The following CACNA2D1 variants were observed in gnomAD, a reference collection of about 807,000 sequenced individuals.
CACNA2D1 encodes voltage-dependent calcium channel subunit alpha-2/delta-1.
A neutral mutation model predicts 171.5 loss-of-function variants in CACNA2D1; 53 were observed. That is an observed-to-expected ratio of 0.31 (90% CI 0.25 to 0.39). CACNA2D1 has a LOEUF of 0.39. Ranked by LOEUF, CACNA2D1 falls within the 10% of genes least tolerant of loss-of-function variation. The pLI, the probability that CACNA2D1 is intolerant of heterozygous loss-of-function variation, is 1.00. For synonymous variants in CACNA2D1, 442 were observed against 443.1 expected, an observed-to-expected ratio of 1.00 and a Z score of 0.03; for missense variants, 903 against 1,299.8, an observed-to-expected ratio of 0.69 and a Z score of 4.69.
intron 3 of CACNA2D1, among the ~76,000 whole-genome samples, chr7:82,322,451 C>CACA: frequency 9.6e-6 from 1 of 103,926 alleles, no homozygotes; most frequent in Admixed American, 1.1e-4. Context: ...CCTGGCTTTA[C>CACA]AAAAAAAAAA....
Position 82,012,253 on chromosome 7 carries a change from G to GA in CACNA2D1, c.1273-11_1273-10insT, listed in dbSNP as rs765988759. 9 of 1,297,762 alleles carry GA rather than the reference G, an allele frequency of 6.9e-6. No homozygotes were observed. Among genetic ancestry groups the GA allele is most frequent in the Non-Finnish European group, 9.5e-6 (9 of 950,900 alleles). The allele number at this position is 1,297,762 out of a possible 1,614,324, so 80.4% of individuals were successfully genotyped here. A position where few individuals can be genotyped will look rare whatever the true frequency, so the allele number is the denominator to read the frequency against. On this transcript the variant is annotated splice_polypyrimidine_tract_variant and intron_variant, in intron 14 of 38. Coordinates refer to ENST00000356860, the MANE Select transcript of CACNA2D1 (RefSeq NM_000722.4). ...AAACATCCAAATATTCCTGTTTATGGGAAAAAAAAAAAAAGTCGTGGTTAA... is the reference window on the plus strand; with the variant it reads ...AAACATCCAAATATTCCTGTTTATGGAGAAAAAAAAAAAAAGTCGTGGTTAA...
chr7:82,341,274 T>A (rs79741398), intron 2 of CACNA2D1, among the ~76,000 whole-genome samples: 5,725 of 152,210 alleles, frequency 0.038, 214 homozygotes, highest in Admixed American at 0.11. Context: ...CTCTTTTTTC[T>A]TTATCATAAG....
At chr7:82,194,986 C>A (rs530964489) in intron 3 of CACNA2D1, among the ~76,000 whole-genome samples, 205 of 152,100 alleles carry the variant, frequency 1.3e-3, no homozygotes, top group Middle Eastern at 3.4e-3. Flanking sequence ...CTTTAAGTTG[C>A]ACTCTTTTAT....
At chr7:82,019,771 C>A (rs983284258) in intron 12 of CACNA2D1, among the ~76,000 whole-genome samples, 1 of 152,078 alleles carries the variant, frequency 6.6e-6, no homozygotes, top group Non-Finnish European at 1.5e-5. Flanking sequence ...CTTTAATTTA[C>A]AATAGGCAAA....
chr7:82,375,152 CACA>C (rs1331633637), intron 1 of CACNA2D1, among the ~76,000 whole-genome samples: 2 of 152,100 alleles, frequency 1.3e-5, no homozygotes, highest in African/African-American at 4.8e-5. Context: ...AATACAGAAA[CACA>C]ACTTTCAAAC....
At chr7:82,216,223 T>A (rs1801084860) in intron 3 of CACNA2D1, among the ~76,000 whole-genome samples, 1 of 152,170 alleles carries the variant, frequency 6.6e-6, no homozygotes, top group Non-Finnish European at 1.5e-5. Flanking sequence ...CAGTTCAGCA[T>A]CAATTTGAGA....
intron 24 of CACNA2D1, among the ~76,000 whole-genome samples, chr7:81,976,914 T>A (rs2130547103): frequency 6.6e-6 from 1 of 152,292 alleles, no homozygotes; most frequent in Admixed American, 6.5e-5. Context: ...ATCCTGAGAC[T>A]TTGCTGAAGT....
At chr7:82,192,465 TGTGTGTGTGTG>T (rs1563182489) in intron 3 of CACNA2D1, among the ~76,000 whole-genome samples, 5 of 1,678 alleles carry the variant, frequency 3.0e-3, no homozygotes, top group Admixed American at 7.2e-3. Context: ...TGTGTTTGTG[TGTGTGTGTGTG>T]TGTGTGTGTG....
intron 10 of CACNA2D1, among the ~76,000 whole-genome samples, chr7:82,047,471 A>T (rs1433012712): frequency 6.6e-6 from 1 of 152,192 alleles, no homozygotes; most frequent in Non-Finnish European, 1.5e-5. Context: ...AATGGCATAC[A>T]TAACTAATGT....
chr7:82,417,525 G>A (rs1425800521), intron 1 of CACNA2D1, among the ~76,000 whole-genome samples: 1 of 152,200 alleles, frequency 6.6e-6, no homozygotes, highest in African/African-American at 2.4e-5. Context: ...TCAGGATTAT[G>A]AGAATCAGCC....
In CACNA2D1 at chr7:82,339,610, T is replaced by C. The variant is rs1322805563; in HGVS notation, c.178-4359A>G. Among the ~76,000 whole-genome samples the C allele has an allele frequency of 2.0e-5, 3 of 152,190 alleles. No homozygotes were observed. In the East Asian group the frequency reaches 5.8e-4, roughly 29 times the overall value. ...TGTAACGAGCCAAATATAAAAGACC[T>C]GTATAAATAAAGATAACGCACTGAG... On this transcript the variant is annotated intron_variant, in intron 2 of 38. Transcript: ENST00000356860.
intron 2 of CACNA2D1, among the ~76,000 whole-genome samples, chr7:82,341,457 G>A (rs1818623284): frequency 6.6e-6 from 1 of 151,970 alleles, no homozygotes; most frequent in African/African-American, 2.4e-5. Context: ...AAAATTAGCT[G>A]TTTTAACAAA....
intron 3 of CACNA2D1, among the ~76,000 whole-genome samples, chr7:82,321,332 G>C (rs1371124486): frequency 1.3e-5 from 2 of 152,134 alleles, no homozygotes; most frequent in East Asian, 3.9e-4. Context: ...CTGGGAGGTG[G>C]AGGTTGCAGT....
intron 6 of CACNA2D1, among the ~76,000 whole-genome samples, chr7:82,102,241 C>A (rs1812762563): frequency 6.6e-6 from 1 of 151,758 alleles, no homozygotes; most frequent in South Asian, 2.1e-4. Flanking sequence ...AAAAAATAAG[C>A]TTTAAAATTT....
At chr7:82,243,280 G>T (rs995090711) in intron 3 of CACNA2D1, among the ~76,000 whole-genome samples, 1 of 152,016 alleles carries the variant, frequency 6.6e-6, no homozygotes, top group African/African-American at 2.4e-5. Flanking sequence ...GCACCATTAA[G>T]AAACAATTTT....
chr7:82,012,504 GT>G (rs1799921958), intron 14 of CACNA2D1, among the ~76,000 whole-genome samples: 1 of 152,004 alleles, frequency 6.6e-6, no homozygotes, highest in African/African-American at 2.4e-5. Context: ...TCAGAGCATT[GT>G]TTTTCTGTGT....
At chr7:82,081,538 C>T (rs922182437) in intron 7 of CACNA2D1, among the ~76,000 whole-genome samples, 3 of 152,146 alleles carry the variant, frequency 2.0e-5, no homozygotes, top group Non-Finnish European at 2.9e-5. Flanking sequence ...AATGACCTTC[C>T]TGTAACAGGT....
chr7:82,268,547 T>C (rs1202926460), intron 3 of CACNA2D1, among the ~76,000 whole-genome samples: 1 of 152,126 alleles, frequency 6.6e-6, no homozygotes, highest in Non-Finnish European at 1.5e-5. Context: ...CTTCTTCTTA[T>C]TCAACCAAAA....
At chr7:82,022,063 AGTTT>A (rs1386918911) in intron 12 of CACNA2D1, among the ~76,000 whole-genome samples, 3 of 151,946 alleles carry the variant, frequency 2.0e-5, no homozygotes, top group African/African-American at 7.2e-5. Context: ...TTTTTCATTC[AGTTT>A]GTTTTAGATA....
Sources: gnomAD v4.1 joint callset for allele counts (sites outside exome capture counted in the v4.1 genomes callset) on GRCh38, gnomAD v4.1.1 for gene constraint, MANE v1.5 for transcripts, NCBI Gene and HGNC (gene_info 2026-07-23, HGNC 2026-07-21) for gene names.